SLC6A11: variants seen among roughly 807,000 people sequenced by gnomAD.
The protein encoded by SLC6A11 is sodium- and chloride-dependent GABA transporter 3.
SLC6A11 carries 25 observed loss-of-function variants against 74.8 expected under a neutral mutation model. The observed-to-expected ratio is 0.33, with a 90% CI of 0.24 to 0.47. The LOEUF is 0.47. SLC6A11 is among the 20% of genes least tolerant of loss of function. SLC6A11 has a pLI of 1.00. For missense variants in SLC6A11, 574 were observed against 837.0 expected (o/e 0.69, Z 3.88); for synonymous variants, 330 against 330.2 (o/e 1.00, Z 0.01).
At chr3:10,920,487 C>A (rs1695522716) in intron 8 of SLC6A11, among the ~76,000 whole-genome samples, 1 of 152,140 alleles carries the variant, frequency 6.6e-6, no homozygotes, top group African/African-American at 2.4e-5. Context: ...AAATAGATTG[C>A]TATCATTGAG....
At chr3:10,821,117 C>A (rs981259672) in intron 3 of SLC6A11, among the ~76,000 whole-genome samples, 17 of 152,142 alleles carry the variant, frequency 1.1e-4, no homozygotes, top group African/African-American at 3.9e-4. Context: ...TTTAACCTCC[C>A]TTTGGCCAGG....
intron 6 of SLC6A11, among the ~76,000 whole-genome samples, chr3:10,900,174 G>C (rs1033965202): frequency 1.2e-4 from 19 of 152,186 alleles, no homozygotes; most frequent in African/African-American, 4.3e-4. Context: ...ACTTTAGAGA[G>C]AACACACAGG....
rs763505674 is a variant in SLC6A11 at position 10,918,351 on chromosome 3, C to G, written c.1018C>G (p.Leu340Val). The G allele has an allele frequency of 6.2e-7, 1 of 1,606,824 alleles. No homozygotes were observed. The highest frequency in any genetic ancestry group is 1.7e-5 in the Admixed American group (1 of 58,616). Residue 340 changes from leucine to valine, a missense_variant, in exon 8 of 14, where the codon CTG (leucine) becomes GTG (valine). Around this residue, in one of 4 missense-constraint regions of SLC6A11, gnomAD observed 215 missense variants for 357.9 expected, o/e 0.60. Transcript: ENST00000254488. The surrounding 1 kb of genome is among the most constrained non-coding windows in gnomAD (Gnocchi z 4.5). Reference sequence around the variant, plus strand: ...CAGGGACTGCATCATGCTCTGTTGCCTGAACAGCGGCACCAGCTTCGTGGC... The same window carrying G: ...CAGGGACTGCATCATGCTCTGTTGCGTGAACAGCGGCACCAGCTTCGTGGC... Reference protein sequence around the residue: ...CYRDCIMLCCLNSGTSFVAGF... With the variant: ...CYRDCIMLCCVNSGTSFVAGF...
rs184229507 is a variant in SLC6A11 at position 10,829,102 on chromosome 3, C to T, written c.623+5710C>T. On this transcript the variant is annotated intron_variant, in intron 4 of 13. Transcript: ENST00000254488. ...GAGAAGAGAATTGAATAAGACTTCT[C>T]CTGTAGGAAGCCCAGCCCATCTTAA... Among the ~76,000 whole-genome samples, 40 of 152,322 alleles carry T rather than the reference C, an allele frequency of 2.6e-4. No individual in the cohort carries two copies. In the East Asian group the frequency reaches 7.5e-3, roughly 29 times the overall value.
intron 6 of SLC6A11, among the ~76,000 whole-genome samples, chr3:10,896,383 T>C (rs1021830597): frequency 6.6e-6 from 1 of 152,252 alleles, no homozygotes; most frequent in Non-Finnish European, 1.5e-5. Flanking sequence ...GTGCACACTC[T>C]ACAAACCTAG....
chr3:10,865,372 A>C (rs564845619), intron 5 of SLC6A11, among the ~76,000 whole-genome samples: 65 of 152,202 alleles, frequency 4.3e-4, no homozygotes, highest in Non-Finnish European at 8.1e-4. Context: ...GAGAAGGCTA[A>C]ACCTGTGGTG....
At chr3:10,872,495 A>G (rs1389439956) in intron 5 of SLC6A11, among the ~76,000 whole-genome samples, 2 of 152,016 alleles carry the variant, frequency 1.3e-5, no homozygotes, top group Non-Finnish European at 2.9e-5. Flanking sequence ...GCAGTGAGGG[A>G]CTCACTCTGT....
intron 5 of SLC6A11, among the ~76,000 whole-genome samples, chr3:10,863,041 A>G (rs1694721398): frequency 6.6e-6 from 1 of 152,196 alleles, no homozygotes; most frequent in Non-Finnish European, 1.5e-5. Context: ...ATGTCCTGTT[A>G]TGTTCTGTTT....
At chr3:10,847,247 G>A (rs1205603042) in intron 5 of SLC6A11, among the ~76,000 whole-genome samples, 2 of 152,150 alleles carry the variant, frequency 1.3e-5, no homozygotes, top group African/African-American at 2.4e-5. Flanking sequence ...TCCTGGATAG[G>A]CTACTGTCAT....
At chr3:10,828,896 G>T (rs73035885) in intron 4 of SLC6A11, among the ~76,000 whole-genome samples, 1 of 152,126 alleles carries the variant, frequency 6.6e-6, no homozygotes, top group African/African-American at 2.4e-5. Context: ...TGGCAAGGAC[G>T]ATGTCTGTTT....
intron 4 of SLC6A11, among the ~76,000 whole-genome samples, chr3:10,826,039 A>C (rs918419988): frequency 5.9e-5 from 9 of 152,282 alleles, no homozygotes; most frequent in Admixed American, 5.9e-4. Context: ...ATAGCAATAA[A>C]AAAACAAAAT....
intron 6 of SLC6A11, among the ~76,000 whole-genome samples, chr3:10,877,404 C>A (rs1471392492): frequency 1.3e-5 from 2 of 152,228 alleles, no homozygotes; most frequent in Non-Finnish European, 2.9e-5. Flanking sequence ...TTCCCTCCCT[C>A]CTGCCTGGAG....
intron 7 of SLC6A11, among the ~76,000 whole-genome samples, chr3:10,917,967 C>T (rs1406490513): frequency 6.6e-6 from 1 of 152,308 alleles, no homozygotes; most frequent in East Asian, 1.9e-4. Flanking sequence ...CTTTGAGCTC[C>T]CAGGAATACT....
intron 5 of SLC6A11, among the ~76,000 whole-genome samples, chr3:10,860,988 G>A (rs933882235): frequency 6.6e-6 from 1 of 152,138 alleles, no homozygotes; most frequent in Non-Finnish European, 1.5e-5. Context: ...TCAGTACATT[G>A]GTGGCTCCTA....
Position 10,926,059 on chromosome 3 carries a change from C to A in SLC6A11, c.1176C>A (p.Ser392=). Residue 392 remains serine, a synonymous_variant, in exon 9 of 14, where the codon TCC becomes TCA. Coordinates refer to ENST00000254488, the MANE Select transcript of SLC6A11 (RefSeq NM_014229.3). The surrounding 1 kb of genome is among the most constrained non-coding windows in gnomAD (Gnocchi z 5.7). ...AGGCGGTCACCATGATGCCTCTCTC[C>A]CCGCTGTGGGCCACCTTGTTCTTCA... is the stretch of plus-strand genomic sequence containing the variant. The part of the protein sequence containing the change: ...YPKAVTMMPL[S]PLWATLFFMM... The A allele has an allele frequency of 6.2e-7, 1 of 1,613,780 alleles. No homozygotes were observed. The highest frequency in any genetic ancestry group is 1.1e-5 in the South Asian group (1 of 91,088).
chr3:10,873,855 A>G (rs1171901876), intron 5 of SLC6A11, among the ~76,000 whole-genome samples: 1 of 152,122 alleles, frequency 6.6e-6, no homozygotes, highest in East Asian at 1.9e-4. Flanking sequence ...CTGCTATGCT[A>G]TGCTACCCTA....
chr3:10,865,029 T>C (rs1160198053), intron 5 of SLC6A11, among the ~76,000 whole-genome samples: 2 of 152,256 alleles, frequency 1.3e-5, no homozygotes, highest in Non-Finnish European at 2.9e-5. Context: ...TGCCTCTTTG[T>C]CTGTGGTCTT....
intron 6 of SLC6A11, among the ~76,000 whole-genome samples, chr3:10,879,267 TGTCCCCAAAAA>T (rs1303427089): frequency 3.9e-5 from 6 of 152,158 alleles, no homozygotes; most frequent in Admixed American, 3.9e-4. Flanking sequence ...AAAGCAACTA[TGTCCCCAAAAA>T]GTAACTGCTG....
At position 10,859,077 on chromosome 3, in the gene SLC6A11, C is replaced by T. The variant is rs530342051; in HGVS notation, c.756+14731C>T. On this transcript the variant is annotated intron_variant, in intron 5 of 13. Coordinates refer to ENST00000254488, the MANE Select transcript of SLC6A11 (RefSeq NM_014229.3). Reference sequence around the variant, plus strand: ...TGGAGAGGCACCAAAAGGCTTAAAGCCAGGGGATTCTATGACCAAGCTTTA... The same window carrying T: ...TGGAGAGGCACCAAAAGGCTTAAAGTCAGGGGATTCTATGACCAAGCTTTA... Among the ~76,000 whole-genome samples the T allele has an allele frequency of 4.6e-5, 7 of 152,250 alleles. No individual in the cohort carries two copies. In the South Asian group the frequency reaches 8.3e-4, roughly 18 times the overall value.
Sources: allele counts gnomAD v4.1 joint callset (sites outside exome capture counted in the v4.1 genomes callset), GRCh38; gene constraint gnomAD v4.1.1; regional missense constraint gnomAD v4.1.1; non-coding constraint Gnocchi (gnomAD v3.1); transcripts MANE v1.5; gene names NCBI Gene and HGNC (gene_info 2026-07-23, HGNC 2026-07-21).